Variants in TMEM273 observed in about 807,000 individuals in gnomAD.
TMEM273 encodes the protein chromosome 10 open reading frame 128.
TMEM273 carries 19 observed loss-of-function variants against 17.9 expected under a neutral mutation model. That is an observed-to-expected ratio of 1.06 (90% confidence interval 0.74 to 1.55). The LOEUF (loss-of-function observed/expected upper bound fraction) is 1.55, where lower values mean the gene tolerates loss of function less well. Ranked by LOEUF, TMEM273 falls within the 40% of genes most tolerant of loss-of-function variation. The pLI is 0.00. For synonymous variants in TMEM273, 66 were observed against 62.0 expected, an observed-to-expected ratio of 1.07 and a Z score of -0.31; for missense variants, 194 against 155.6, an observed-to-expected ratio of 1.25 and a Z score of -1.31.
At chr10:49,157,699 A>C (rs1463887164) in intron 6 of TMEM273, among the ~76,000 whole-genome samples, 1 of 152,236 alleles carries the variant, frequency 6.6e-6, no homozygotes, top group East Asian at 1.9e-4. Flanking sequence ...TAACATGATA[A>C]GATATGTGTG....
rs201483900 is a variant in TMEM273, at chr10:49,178,239, G to C, written c.43+10055C>G. The C allele has an allele frequency of 1.3e-5, 6 of 457,166 alleles. No individual in the cohort carries two copies. In the East Asian group the frequency reaches 4.2e-4, roughly 32 times the overall value. The allele number at this position is 457,166 out of a possible 1,614,324, so 28.3% of individuals were successfully genotyped here. Reference sequence around the variant, plus strand: ...CCTGTAGTCCATGCTGCCCTTGCCCGGGGCCTCAGCAGAGGCTGTCCTCTC... The same window carrying C: ...CCTGTAGTCCATGCTGCCCTTGCCCCGGGCCTCAGCAGAGGCTGTCCTCTC... On this transcript the variant is annotated intron_variant, in intron 1 of 6. Transcript: ENST00000374153.
intron 1 of TMEM273, among the ~76,000 whole-genome samples, chr10:49,169,742 G>A (rs1252861369): frequency 1.3e-5 from 2 of 152,160 alleles, no homozygotes; most frequent in East Asian, 3.9e-4. Context: ...TGCTGCTCCA[G>A]CTAGGTTGAA....
At chr10:49,163,161 G>A (rs1030975261) in intron 5 of TMEM273, among the ~76,000 whole-genome samples, 9 of 152,194 alleles carry the variant, frequency 5.9e-5, no homozygotes, top group Admixed American at 5.9e-4. Context: ...TGAAGAGCTG[G>A]CCAGCATGGA....
At position 49,179,533 on chromosome 10, in the gene TMEM273, T is replaced by C. The variant is rs143483782; in HGVS notation, c.43+8761A>G. 2.1e-3 allele frequency among the ~76,000 whole-genome samples: 314 copies of C among 152,280 alleles called. 3 individuals are homozygous for C. The highest frequency in any genetic ancestry group is 7.4e-3 in the African/African-American group (306 of 41,542). On this transcript the variant is annotated intron_variant, in intron 1 of 6. Transcript: ENST00000374153. ...CCTCCAGAACTCTTTTCAAACTTAC[T>C]TTTCTGGAAAGATGAAATAGGTTTA...
intron 5 of TMEM273, among the ~76,000 whole-genome samples, chr10:49,164,303 A>G (rs1338878401): frequency 1.3e-5 from 2 of 152,036 alleles, no homozygotes; most frequent in Non-Finnish European, 2.9e-5. Context: ...CCCTCATCCC[A>G]GGTCCCTGGG....
intron 1 of TMEM273, among the ~76,000 whole-genome samples, chr10:49,170,396 C>T (rs1012684429): frequency 6.6e-6 from 1 of 152,180 alleles, no homozygotes; most frequent in Non-Finnish European, 1.5e-5. Flanking sequence ...CCTTCTGCCC[C>T]TCTCTGTGGC....
intron 5 of TMEM273, among the ~76,000 whole-genome samples, chr10:49,163,883 C>T (rs529403242): frequency 2.1e-4 from 32 of 152,286 alleles, no homozygotes; most frequent in Non-Finnish European, 2.5e-4. Flanking sequence ...TCATCCCAAG[C>T]GCATGACTCC....
intron 1 of TMEM273, among the ~76,000 whole-genome samples, chr10:49,168,739 A>G (rs900080990): frequency 2.0e-5 from 3 of 151,812 alleles, no homozygotes; most frequent in Non-Finnish European, 2.9e-5. Flanking sequence ...GGAAGGAAAG[A>G]AAGAAGGAAA....
At chr10:49,176,101 A>T (rs186533723) in intron 1 of TMEM273, among the ~76,000 whole-genome samples, 82 of 152,352 alleles carry the variant, frequency 5.4e-4, no homozygotes, top group Non-Finnish European at 8.8e-5. Context: ...CTCCCAGCTC[A>T]GTGGCCCCAT....
chr10:49,165,825 G>T, intron 3 of TMEM273, 29 bp from the exon 4 acceptor site: 1 of 1,614,020 alleles, frequency 6.2e-7, no homozygotes, highest in Non-Finnish European at 8.5e-7. Flanking sequence ...GCATTAGGAA[G>T]GGGGTCGTGT....
At chr10:49,156,606 A>T (rs749156266) in intron 6 of TMEM273, among the ~76,000 whole-genome samples, 12 of 152,238 alleles carry the variant, frequency 7.9e-5, no homozygotes, top group Admixed American at 2.0e-4. Flanking sequence ...ACATTGAATG[A>T]TGCAAAATTG....
At chr10:49,176,775 C>G (rs7923767) in intron 1 of TMEM273, among the ~76,000 whole-genome samples, 146,435 of 152,210 alleles carry the variant, frequency 0.96, 70,674 homozygotes, top group Non-Finnish European at 1. Context: ...GAGCCCCTTA[C>G]TAAACCCATC....
intron 5 of TMEM273, among the ~76,000 whole-genome samples, chr10:49,164,920 T>A (rs1290942571): frequency 6.6e-6 from 1 of 152,072 alleles, no homozygotes; most frequent in African/African-American, 2.4e-5. Context: ...TACTTCTCTC[T>A]CCTTGACCCC....
chr10:49,162,345 C>A (rs1350600819), intron 5 of TMEM273, among the ~76,000 whole-genome samples: 1 of 152,138 alleles, frequency 6.6e-6, no homozygotes, highest in African/African-American at 2.4e-5. Context: ...TATAGACAGG[C>A]AATACATGCA....
intron 1 of TMEM273, among the ~76,000 whole-genome samples, chr10:49,171,083 G>C (rs1846536003): frequency 6.6e-6 from 1 of 152,232 alleles, no homozygotes; most frequent in African/African-American, 2.4e-5. Flanking sequence ...TTCTCTGTGG[G>C]AATTCTCCGA....
At chr10:49,180,499 T>G (rs957127220) in intron 1 of TMEM273, among the ~76,000 whole-genome samples, 1 of 152,250 alleles carries the variant, frequency 6.6e-6, no homozygotes. Context: ...TATGAGGAAA[T>G]GCCCCTTTTC....
Position 49,173,375 on chromosome 10 carries a change from G to A in TMEM273, c.44-5413C>T, listed in dbSNP as rs1009491693. ...AGGAGCAGAGAAGGCTGGCTGTGAA[G>A]GAGGAGCTATACCACACAGCCCCAC... On this transcript the variant is annotated intron_variant, in intron 1 of 6. Transcript: ENST00000374153. Among the ~76,000 whole-genome samples, 5 of 152,230 alleles carry A rather than the reference G, an allele frequency of 3.3e-5. No homozygotes were observed. The South Asian group carries it at 8.3e-4, about 25-fold the overall frequency.
At chr10:49,176,684 G>A (rs547502622) in intron 1 of TMEM273, among the ~76,000 whole-genome samples, 1 of 152,326 alleles carries the variant, frequency 6.6e-6, no homozygotes, top group East Asian at 1.9e-4. Context: ...AGGGAGCGGG[G>A]CTGTGGGATG....
intron 6 of TMEM273, among the ~76,000 whole-genome samples, chr10:49,158,838 A>G (rs949543626): frequency 2.0e-5 from 3 of 152,208 alleles, no homozygotes; most frequent in African/African-American, 7.2e-5. Flanking sequence ...ACCAGAATAA[A>G]TGACAAATGG....
Sources: allele counts gnomAD v4.1 joint callset (sites outside exome capture counted in the v4.1 genomes callset), GRCh38; gene constraint gnomAD v4.1.1; transcripts MANE v1.5; gene names NCBI Gene and HGNC (gene_info 2026-07-23, HGNC 2026-07-21).